PPP4R3B: variants seen among roughly 807,000 people sequenced by gnomAD.
The protein encoded by PPP4R3B is serine/threonine-protein phosphatase 4 regulatory subunit 3B.
A neutral mutation model predicts 95.4 loss-of-function variants in PPP4R3B; 52 were observed. The ratio of observed to expected loss-of-function variants is 0.54; its 90% confidence interval spans 0.44 to 0.69. The LOEUF (loss-of-function observed/expected upper bound fraction) is 0.69. PPP4R3B is among the 30% of genes least tolerant of loss of function. The pLI is 0.00. For missense variants in PPP4R3B, 1,003 were observed against 1,005.9 expected (o/e 1.00, Z 0.04); for synonymous variants, 407 against 343.9 (o/e 1.18, Z -2.03).
At chr2:55,565,727 A>G (rs1687208226) in intron 13 of PPP4R3B, 1 of 211,224 alleles carries the variant, frequency 4.7e-6, no homozygotes, top group African/African-American at 2.3e-5. Flanking sequence ...TCTTTCTGGT[A>G]CATTTGTTAA....
At chr2:55,609,921 A>C (rs531635367) in intron 2 of PPP4R3B, among the ~76,000 whole-genome samples, 1 of 152,288 alleles carries the variant, frequency 6.6e-6, no homozygotes, top group Non-Finnish European at 1.5e-5. Context: ...TACGGACAGA[A>C]TCTGGCGTGG....
At chr2:55,582,917 A>G (rs1167423306) in intron 7 of PPP4R3B, among the ~76,000 whole-genome samples, 2 of 152,208 alleles carry the variant, frequency 1.3e-5, no homozygotes, top group Non-Finnish European at 2.9e-5. Flanking sequence ...TAATATAAAA[A>G]TATGTGCAAT....
intron 3 of PPP4R3B, among the ~76,000 whole-genome samples, chr2:55,602,761 T>G (rs1024905868): frequency 6.6e-6 from 1 of 152,312 alleles, no homozygotes. Context: ...CCCTGCCCTA[T>G]GCACCTTTTC....
At chr2:55,605,621 GT>G (rs1553482605) in intron 2 of PPP4R3B, among the ~76,000 whole-genome samples, 1 of 151,974 alleles carries the variant, frequency 6.6e-6, no homozygotes, top group Non-Finnish European at 1.5e-5. Flanking sequence ...AAATCCTTCA[GT>G]TCTGGCCAGG....
At chr2:55,578,105 A>G in intron 10 of PPP4R3B, 142 bp downstream of exon 10, 1 of 830,836 alleles carries the variant, frequency 1.2e-6, no homozygotes. Flanking sequence ...CAAAAATAAC[A>G]CTGGATAAAA....
intron 2 of PPP4R3B, 111 bp from the exon 3 acceptor site, chr2:55,604,187 T>C (rs1005411738): frequency 1.5e-6 from 1 of 659,318 alleles, no homozygotes; most frequent in Non-Finnish European, 2.5e-6. Flanking sequence ...AATGCCCCGA[T>C]ATGAGTAATC....
At chr2:55,598,346 C>T in intron 4 of PPP4R3B, 70 bp downstream of exon 4, 1 of 1,477,604 alleles carries the variant, frequency 6.8e-7, no homozygotes, top group Non-Finnish European at 9.1e-7. Flanking sequence ...AGGGTATAAA[C>T]ACCTGCTTGA....
At position 55,598,714 on chromosome 2, in the gene PPP4R3B, G is replaced by C; in HGVS notation, c.623C>G (p.Thr208Ser). The C allele has an allele frequency of 6.2e-7, 1 of 1,614,160 alleles. No homozygotes were observed. Among genetic ancestry groups the C allele is most frequent in the Non-Finnish European group, 8.5e-7 (1 of 1,180,036 alleles). ...ATCAGAAAACATTACCTCAAAAAGA[G>C]TTGCCTTATTTAGGAATAAGATTCC... ...IRGILFLNKA[T>S]LFEVMFSDEC... Residue 208 changes from threonine to serine, a missense_variant, in exon 4 of 17, where the codon ACT becomes AGT. Transcript: ENST00000616407.
chr2:55,583,491 G>T (rs1259716721), intron 7 of PPP4R3B, among the ~76,000 whole-genome samples: 1 of 152,140 alleles, frequency 6.6e-6, no homozygotes, highest in Non-Finnish European at 1.5e-5. Flanking sequence ...AGCTTGAAGA[G>T]TTAAGAATTC....
chr2:55,600,456 A>AAAAAAT (rs1692404304), intron 3 of PPP4R3B, among the ~76,000 whole-genome samples: 1 of 144,540 alleles, frequency 6.9e-6, no homozygotes. Flanking sequence ...AAAAAAAAAA[A>AAAAAAT]GGCGGGCAGG....
intron 4 of PPP4R3B, among the ~76,000 whole-genome samples, chr2:55,595,475 A>G (rs1451817893): frequency 6.6e-6 from 1 of 151,888 alleles, no homozygotes; most frequent in African/African-American, 2.4e-5. Flanking sequence ...AAAAAATAAA[A>G]TAAATTTTTA....
chr2:55,553,877 C>T (rs1213474215), intron 16 of PPP4R3B, among the ~76,000 whole-genome samples: 23 of 152,108 alleles, frequency 1.5e-4, no homozygotes, highest in Admixed American at 1.3e-4. Context: ...GTTATTCTTA[C>T]TTTTTGGCTA....
At chr2:55,583,538 T>C (rs1184688466) in intron 7 of PPP4R3B, among the ~76,000 whole-genome samples, 1 of 152,184 alleles carries the variant, frequency 6.6e-6, no homozygotes. Context: ...TGGTCTGAGA[T>C]TGATTCATGG....
chr2:55,562,475 T>C (rs992647862), intron 15 of PPP4R3B, among the ~76,000 whole-genome samples: 1 of 152,172 alleles, frequency 6.6e-6, no homozygotes, highest in Non-Finnish European at 1.5e-5. Context: ...TCACACTCTC[T>C]GTCTCCCGCT....
intron 16 of PPP4R3B, among the ~76,000 whole-genome samples, chr2:55,558,555 C>T (rs965346550): frequency 4.6e-5 from 7 of 151,976 alleles, no homozygotes; most frequent in Admixed American, 3.9e-4. Flanking sequence ...TTGCAGTGAG[C>T]TGAGATCACT....
At chr2:55,610,613 T>C (rs1275230282) in intron 2 of PPP4R3B, among the ~76,000 whole-genome samples, 1 of 152,218 alleles carries the variant, frequency 6.6e-6, no homozygotes, top group Non-Finnish European at 1.5e-5. Context: ...TTTTTATATT[T>C]TGTGTTGGCA....
intron 11 of PPP4R3B, among the ~76,000 whole-genome samples, chr2:55,576,701 C>CA (rs373478615): frequency 2.0e-5 from 3 of 151,476 alleles, no homozygotes; most frequent in African/African-American, 4.8e-5. Context: ...GACTCCATCT[C>CA]AAAAAAAATA....
intron 11 of PPP4R3B, among the ~76,000 whole-genome samples, chr2:55,575,549 G>C (rs1407387202): frequency 6.6e-6 from 1 of 151,918 alleles, no homozygotes; most frequent in Non-Finnish European, 1.5e-5. Context: ...AGACTCAAGT[G>C]ATCCTGCCAC....
In PPP4R3B at chr2:55,573,702, T is replaced by C. The variant is rs1261220780; in HGVS notation, c.1682A>G (p.His561Arg). ...LTFCVEHHTYHIKNYIMNKDL... is the reference protein window; with the variant it reads ...LTFCVEHHTYRIKNYIMNKDL... ...CTTGTTCATAATATAGTTTTTTATG[T>C]GATATGTGTGATGTTCCACACAAAA... is the stretch of plus-strand genomic sequence containing the variant. The change falls in exon 12 of 17, where the codon CAC (histidine) becomes CGC (arginine). Residue 561 changes from histidine (H) to arginine (R), a missense_variant. By Grantham distance (29) the His-to-Arg change is conservative. Around this residue, in one of 3 missense-constraint regions of PPP4R3B, gnomAD observed 695 missense variants for 686.2 expected, o/e 1.01. Transcript: ENST00000616407. 6.5e-7 allele frequency: 1 copy of C among 1,546,652 alleles called. No homozygotes were observed. Among genetic ancestry groups the C allele is most frequent in the African/African-American group, 1.4e-5 (1 of 72,762 alleles).
Sources: allele counts gnomAD v4.1 joint callset (sites outside exome capture counted in the v4.1 genomes callset), GRCh38; gene constraint gnomAD v4.1.1; regional missense constraint gnomAD v4.1.1; transcripts MANE v1.5; gene names NCBI Gene and HGNC (gene_info 2026-07-23, HGNC 2026-07-21).